LHFPL3: variants seen among roughly 807,000 people sequenced by gnomAD.
LHFPL3 encodes LHFPL tetraspan subfamily member 3 protein.
A neutral mutation model predicts 19.3 loss-of-function variants in LHFPL3; 5 were observed. The observed-to-expected ratio is 0.26, with a 90% CI of 0.14 to 0.54. The LOEUF (loss-of-function observed/expected upper bound fraction) is 0.54. Ranked by LOEUF, LHFPL3 falls within the 20% of genes least tolerant of loss-of-function variation. The pLI is 0.94. For missense variants in LHFPL3, 249 were observed against 307.4 expected, an observed-to-expected ratio of 0.81 and a Z score of 1.42; for synonymous variants, 133 against 126.2, an observed-to-expected ratio of 1.05 and a Z score of -0.36.
chr7:104,744,666 A>C (rs1212664127), intron 2 of LHFPL3, among the ~76,000 whole-genome samples: 2 of 152,180 alleles, frequency 1.3e-5, no homozygotes, highest in Non-Finnish European at 2.9e-5. Context: ...TGTCTTACCA[A>C]GGTCACTCCA....
intron 1 of LHFPL3, among the ~76,000 whole-genome samples, chr7:104,689,978 A>T (rs1792878701): frequency 6.6e-6 from 1 of 152,072 alleles, no homozygotes; most frequent in South Asian, 2.1e-4. Context: ...GGGAAAGGCC[A>T]AATGGATGCC....
chr7:104,885,558 C>A (rs751149040), intron 2 of LHFPL3, among the ~76,000 whole-genome samples: 30 of 152,250 alleles, frequency 2.0e-4, no homozygotes, highest in Non-Finnish European at 2.9e-4. Context: ...TGTAACCTAT[C>A]GCCAAATCCT....
At chr7:104,738,216 C>G (rs1244182239) in intron 2 of LHFPL3, among the ~76,000 whole-genome samples, 1 of 152,160 alleles carries the variant, frequency 6.6e-6, no homozygotes, top group Non-Finnish European at 1.5e-5. Flanking sequence ...CTTCTCAGAG[C>G]TGCCCTTTCT....
At chr7:104,577,810 C>T (rs969091388) in intron 1 of LHFPL3, among the ~76,000 whole-genome samples, 1 of 152,154 alleles carries the variant, frequency 6.6e-6, no homozygotes, top group South Asian at 2.1e-4. Flanking sequence ...TTCTGAAAAC[C>T]GTCCCAGTGC....
intron 2 of LHFPL3, among the ~76,000 whole-genome samples, chr7:104,771,499 A>G (rs923990623): frequency 2.6e-5 from 4 of 152,190 alleles, no homozygotes; most frequent in African/African-American, 9.7e-5. Context: ...AGTTGAGAAT[A>G]TAGCCATATT....
At chr7:104,656,393 GA>G (rs1370848357) in intron 1 of LHFPL3, among the ~76,000 whole-genome samples, 1 of 152,108 alleles carries the variant, frequency 6.6e-6, no homozygotes, top group South Asian at 2.1e-4. Context: ...CTTTCAGGGG[GA>G]AAAAAATGTC....
At chr7:104,494,340 C>T (rs2115703716) in intron 1 of LHFPL3, among the ~76,000 whole-genome samples, 1 of 152,322 alleles carries the variant, frequency 6.6e-6, no homozygotes, top group South Asian at 2.1e-4. Context: ...ACTTATTCCA[C>T]AGATATGAAT....
chr7:104,381,070 GAC>G (rs140525467), intron 1 of LHFPL3, among the ~76,000 whole-genome samples: 48 of 152,236 alleles, frequency 3.2e-4, no homozygotes, highest in African/African-American at 1.2e-3. Flanking sequence ...TGTCGCAAAA[GAC>G]AGAATGCAAA....
At chr7:104,717,122 G>A (rs1230112467) in intron 1 of LHFPL3, among the ~76,000 whole-genome samples, 2 of 152,052 alleles carry the variant, frequency 1.3e-5, no homozygotes, top group Non-Finnish European at 2.9e-5. Context: ...TAGGAAATTG[G>A]AATCTTATCT....
At chr7:104,371,691 T>G (rs1790619535) in intron 1 of LHFPL3, among the ~76,000 whole-genome samples, 1 of 152,128 alleles carries the variant, frequency 6.6e-6, no homozygotes, top group South Asian at 2.1e-4. Context: ...TATACATGCA[T>G]AATCAGTTCA....
At chr7:104,516,529 TTTAA>T (rs542330588) in intron 1 of LHFPL3, among the ~76,000 whole-genome samples, 323 of 152,276 alleles carry the variant, frequency 2.1e-3, no homozygotes, top group African/African-American at 6.9e-3. Flanking sequence ...GATTGGTTGA[TTTAA>T]TTAATTAATT....
intron 1 of LHFPL3, among the ~76,000 whole-genome samples, chr7:104,652,603 A>G (rs912229934): frequency 6.6e-6 from 1 of 152,072 alleles, no homozygotes; most frequent in Non-Finnish European, 1.5e-5. Context: ...TAAGCACTGC[A>G]AAGAGGCCAC....
chr7:104,692,964 C>A (rs1209724380), intron 1 of LHFPL3, among the ~76,000 whole-genome samples: 2 of 152,164 alleles, frequency 1.3e-5, no homozygotes, highest in East Asian at 3.8e-4. Context: ...AATGCAAGCC[C>A]ATGAAAGTAG....
chr7:104,594,916 T>C (rs1790810175), intron 1 of LHFPL3, among the ~76,000 whole-genome samples: 1 of 152,170 alleles, frequency 6.6e-6, no homozygotes, highest in Admixed American at 6.5e-5. Context: ...CCCTACACTG[T>C]TTATTCTAGT....
intron 1 of LHFPL3, among the ~76,000 whole-genome samples, chr7:104,681,505 C>T (rs543474341): frequency 6.6e-6 from 1 of 151,756 alleles, no homozygotes; most frequent in Admixed American, 6.6e-5. Flanking sequence ...GCCTGTAATC[C>T]CAGCTACTCA....
chr7:104,492,881 C>T (rs1300013171), intron 1 of LHFPL3, among the ~76,000 whole-genome samples: 1 of 152,146 alleles, frequency 6.6e-6, no homozygotes, highest in Non-Finnish European at 1.5e-5. Context: ...GGGGGCCTTC[C>T]ACCATCCATT....
At chr7:104,653,053 A>ATTC (rs10647653) in intron 1 of LHFPL3, among the ~76,000 whole-genome samples, 147,699 of 152,196 alleles carry the variant, frequency 0.97, 71,800 homozygotes, top group East Asian at 1. Flanking sequence ...CAAACAGTAA[A>ATTC]TTCTGGCAGC....
At chr7:104,782,023 G>A (rs754969840) in intron 2 of LHFPL3, among the ~76,000 whole-genome samples, 13 of 152,114 alleles carry the variant, frequency 8.5e-5, no homozygotes, top group South Asian at 2.1e-4. Flanking sequence ...GTTCTATCAC[G>A]CTTATAATAT....
chr7:104,833,042 TATTATATATATATTA>T (rs1562808082), intron 2 of LHFPL3, among the ~76,000 whole-genome samples: 2 of 1,366 alleles, frequency 1.5e-3, no homozygotes, highest in African/African-American at 5.8e-3. Flanking sequence ...TATATATATA[TATTATATATATATTA>T]TATATAATAT....
Sources: allele counts gnomAD v4.1 joint callset (sites outside exome capture counted in the v4.1 genomes callset), GRCh38; gene constraint gnomAD v4.1.1; transcripts MANE v1.5; gene names NCBI Gene and HGNC (gene_info 2026-07-23, HGNC 2026-07-21).